HMCN1: variants seen among roughly 807,000 people sequenced by gnomAD.
HMCN1 encodes the protein hemicentin 1.
Under a neutral mutation model 625.9 loss-of-function variants are expected in HMCN1, and 321 were observed. The observed-to-expected ratio is 0.51, with a 90% CI of 0.47 to 0.56. The LOEUF is 0.56. Ranked by LOEUF, HMCN1 falls within the 20% of genes least tolerant of loss-of-function variation. The pLI, the probability that HMCN1 is intolerant of heterozygous loss-of-function variation, is 0.00. For missense variants in HMCN1, 6,588 were observed against 6,887.3 expected (o/e 0.96, Z 1.54); for synonymous variants, 2,425 against 2,417.6 (o/e 1.00, Z -0.09).
chr1:185,990,494 G>C (rs764156504), intron 22 of HMCN1, 51 bp downstream of exon 22: 27 of 1,495,294 alleles, frequency 1.8e-5, no homozygotes, highest in Non-Finnish European at 2.4e-5. Flanking sequence ...TCAACCTCTT[G>C]GGACAGATGG....
chr1:185,948,090 T>G (rs1324713721), intron 11 of HMCN1, among the ~76,000 whole-genome samples: 1 of 152,216 alleles, frequency 6.6e-6, no homozygotes, highest in Non-Finnish European at 1.5e-5. Flanking sequence ...ATGTAACTTT[T>G]TGAAGTTAAC....
rs199628630 is a variant in HMCN1 at position 185,737,155 on chromosome 1, GT to G, written c.268+2111del. Among the ~76,000 whole-genome samples the G allele has an allele frequency of 6.6e-3, 993 of 149,840 alleles. 8 individuals are homozygous for G. The highest frequency in any genetic ancestry group is 0.028 in the Middle Eastern group (8 of 288). On this transcript the variant is annotated intron_variant, in intron 1 of 106. Transcript: ENST00000271588. ...GCCTCTTTGTAGTTTTTTTGTTGTTGTTTATTTTTTTTTTTTTGAAACAGGG... is the reference window on the plus strand; with the variant it reads ...GCCTCTTTGTAGTTTTTTTGTTGTTGTTATTTTTTTTTTTTTGAAACAGGG...
At chr1:186,094,890 G>C (rs976173488) in intron 67 of HMCN1, among the ~76,000 whole-genome samples, 16 of 152,030 alleles carry the variant, frequency 1.1e-4, no homozygotes. Context: ...CCTATAACTT[G>C]ATATTATTTA....
At chr1:185,977,661 T>C (rs1230643671) in intron 15 of HMCN1, 126 bp from the exon 16 acceptor site, 2 of 722,334 alleles carry the variant, frequency 2.8e-6, no homozygotes, top group Non-Finnish European at 4.9e-6. Context: ...ATCAACAGGG[T>C]AAATTTACAA....
intron 32 of HMCN1, 77 bp from the exon 33 acceptor site, chr1:186,016,886 T>C (rs1462684320): frequency 2.4e-6 from 2 of 816,780 alleles, no homozygotes; most frequent in South Asian, 1.3e-5. Context: ...TGAACTGCTA[T>C]GTATTATTGC....
At chr1:186,062,005 GC>G in intron 47 of HMCN1, 41 bp downstream of exon 47, 1 of 1,245,344 alleles carries the variant, frequency 8.0e-7, no homozygotes, top group Non-Finnish European at 1.2e-6. Context: ...AACTTAAATT[GC>G]CTTAAATCCT....
chr1:185,782,292 C>G (rs994610664), intron 1 of HMCN1, among the ~76,000 whole-genome samples: 14 of 152,114 alleles, frequency 9.2e-5, no homozygotes, highest in Middle Eastern at 3.2e-3. Flanking sequence ...GGTCTTGACT[C>G]TTTATCCAAT....
At chr1:185,735,723 T>G (rs1233247350) in intron 1 of HMCN1, among the ~76,000 whole-genome samples, 2 of 152,242 alleles carry the variant, frequency 1.3e-5, no homozygotes, top group African/African-American at 2.4e-5. Flanking sequence ...GTGAAATAAC[T>G]TCATTTTTGC....
At chr1:186,104,830 T>G (rs763365577) in intron 69 of HMCN1, among the ~76,000 whole-genome samples, 2 of 152,078 alleles carry the variant, frequency 1.3e-5, no homozygotes. Context: ...TAACTTAGAG[T>G]CAGGTTAAAC....
intron 14 of HMCN1, among the ~76,000 whole-genome samples, chr1:185,968,378 A>G (rs1201674051): frequency 6.6e-6 from 1 of 151,994 alleles, no homozygotes; most frequent in Non-Finnish European, 1.5e-5. Flanking sequence ...TGTTTTGAAA[A>G]TACAATTTTA....
At chr1:186,126,221 C>T (rs1328447924) in intron 82 of HMCN1, among the ~76,000 whole-genome samples, 2 of 150,964 alleles carry the variant, frequency 1.3e-5, no homozygotes, top group African/African-American at 2.5e-5. Flanking sequence ...TCAATGCAAT[C>T]AGAAGCAGTC....
rs115819031 is a variant in HMCN1, at chr1:186,149,522, C to G, written c.14609-1678C>G. Among the ~76,000 whole-genome samples the G allele has an allele frequency of 6.2e-3, 944 of 152,246 alleles. 10 individuals are homozygous for G. The highest frequency in any genetic ancestry group is 0.021 in the African/African-American group (892 of 41,542). On this transcript the variant is annotated intron_variant, in intron 93 of 106. Coordinates refer to ENST00000271588, the MANE Select transcript of HMCN1 (RefSeq NM_031935.3). ...ATTGTGGCTGGTTTGATCTTTTATT[C>G]AAACCACTCAGATTTTCTCCATATA...
intron 93 of HMCN1, among the ~76,000 whole-genome samples, chr1:186,146,636 A>G (rs1313525790): frequency 6.6e-6 from 1 of 152,216 alleles, no homozygotes; most frequent in Non-Finnish European, 1.5e-5. Flanking sequence ...AGTGAGAGAG[A>G]TTTACATTTA....
chr1:186,090,965 A>G, intron 64 of HMCN1, 48 bp downstream of exon 64: 1 of 1,544,938 alleles, frequency 6.5e-7, no homozygotes, highest in Non-Finnish European at 8.9e-7. Flanking sequence ...GCCCTTCTAC[A>G]ATGCTTTATG....
chr1:186,026,362 C>T (rs1047364399), intron 36 of HMCN1, among the ~76,000 whole-genome samples: 1 of 152,070 alleles, frequency 6.6e-6, no homozygotes, highest in South Asian at 2.1e-4. Context: ...TTGGTTTGTT[C>T]CAATTACTGT....
At chr1:186,151,971 T>C (rs551221236) in intron 95 of HMCN1, among the ~76,000 whole-genome samples, 1 of 152,300 alleles carries the variant, frequency 6.6e-6, no homozygotes, top group South Asian at 2.1e-4. Flanking sequence ...TTTTCTCCTC[T>C]CCTCTTTTCT....
chr1:185,831,461 A>C (rs1267595991), intron 1 of HMCN1, among the ~76,000 whole-genome samples: 1 of 152,160 alleles, frequency 6.6e-6, no homozygotes, highest in Admixed American at 6.5e-5. Flanking sequence ...GAAACACTAG[A>C]AGCACTTGAT....
At chr1:185,893,927 G>A (rs1361903490) in intron 4 of HMCN1, among the ~76,000 whole-genome samples, 2 of 152,024 alleles carry the variant, frequency 1.3e-5, no homozygotes, top group Admixed American at 6.5e-5. Flanking sequence ...CCTTCATACT[G>A]TCTTCTGGTC....
At chr1:185,991,876 G>A (rs1652455971) in intron 22 of HMCN1, among the ~76,000 whole-genome samples, 1 of 152,140 alleles carries the variant, frequency 6.6e-6, no homozygotes, top group African/African-American at 2.4e-5. Context: ...CAAAGGGACA[G>A]TATTGGTTGT....
Sources: gnomAD v4.1 joint callset for allele counts (sites outside exome capture counted in the v4.1 genomes callset) on GRCh38, gnomAD v4.1.1 for gene constraint, MANE v1.5 for transcripts, NCBI Gene and HGNC (gene_info 2026-07-23, HGNC 2026-07-21) for gene names.